Variants in ACCSL observed in about 807,000 individuals in gnomAD.
The protein encoded by ACCSL is probable inactive 1-aminocyclopropane-1-carboxylate synthase-like protein 2.
A neutral mutation model predicts 61.7 loss-of-function variants in ACCSL; 55 were observed. The observed-to-expected ratio is 0.89, with a 90% CI of 0.72 to 1.12. The LOEUF is 1.12. Ranked by LOEUF, ACCSL falls within the 50% of genes most tolerant of loss-of-function variation. The pLI is 0.00. For synonymous variants in ACCSL, 258 were observed against 264.3 expected, an observed-to-expected ratio of 0.98 and a Z score of 0.23; for missense variants, 632 against 698.0, an observed-to-expected ratio of 0.91 and a Z score of 1.07.
At chr11:44,023,348 C>T in the ACCSL span, among the ~76,000 whole-genome samples, 82 of 152,064 alleles carry the variant, frequency 5.4e-4, no homozygotes, top group Non-Finnish European at 7.1e-4. Flanking sequence ...CCACCACACC[C>T]GACCTAGATC....
At chr11:43,991,569 G>A in the ACCSL span, among the ~76,000 whole-genome samples, 5 of 152,154 alleles carry the variant, frequency 3.3e-5, no homozygotes, top group South Asian at 2.1e-4. Flanking sequence ...TGAGGTGGGC[G>A]GATCACCTGA....
the ACCSL span, among the ~76,000 whole-genome samples, chr11:43,949,229 G>A: frequency 6.6e-6 from 1 of 152,196 alleles, no homozygotes; most frequent in Admixed American, 6.5e-5. Flanking sequence ...GCAGCTTCCT[G>A]GTGCTTCCAT....
chr11:43,966,102 A>G, the ACCSL span, among the ~76,000 whole-genome samples: 63 of 152,110 alleles, frequency 4.1e-4, no homozygotes, highest in African/African-American at 1.4e-3. Flanking sequence ...AGAAAAAAAT[A>G]GATAAATAGA....
At chr11:43,929,469 A>G in the ACCSL span, among the ~76,000 whole-genome samples, 1 of 152,128 alleles carries the variant, frequency 6.6e-6, no homozygotes, top group South Asian at 2.1e-4. Context: ...GTGAAGTGGC[A>G]CGATCTTGGC....
the ACCSL span, chr11:43,947,326 G>A: frequency 5.6e-3 from 851 of 152,472 alleles, 9 homozygotes; most frequent in Non-Finnish European, 8.4e-3. Context: ...AACACTGGGG[G>A]TCACATTTCA....
the ACCSL span, among the ~76,000 whole-genome samples, chr11:43,996,762 A>G: frequency 1.3e-5 from 2 of 150,472 alleles, no homozygotes; most frequent in Non-Finnish European, 3.0e-5. Context: ...GACAGCTTTG[A>G]TGGGCCTTGG....
At chr11:44,048,622 T>G in intron 1 of ACCSL, 82 bp downstream of exon 1, 201 of 1,253,500 alleles carry the variant, frequency 1.6e-4, no homozygotes, top group Middle Eastern at 2.2e-4. Context: ...CCAAGTGCTA[T>G]ATATGCTCTC....
At chr11:44,011,072 C>T in the ACCSL span, among the ~76,000 whole-genome samples, 2 of 152,282 alleles carry the variant, frequency 1.3e-5, no homozygotes, top group East Asian at 3.9e-4. Flanking sequence ...TCACCATGAG[C>T]CAGAAACCCA....
At chr11:43,950,439 A>G in the ACCSL span, among the ~76,000 whole-genome samples, 1 of 152,244 alleles carries the variant, frequency 6.6e-6, no homozygotes, top group Non-Finnish European at 1.5e-5. Context: ...CAGTCTGTCT[A>G]TGCCAAAGGC....
the ACCSL span, among the ~76,000 whole-genome samples, chr11:43,957,734 G>A: frequency 6.6e-6 from 1 of 152,180 alleles, no homozygotes; most frequent in Non-Finnish European, 1.5e-5. Flanking sequence ...GTATCTTACT[G>A]CTACAAAGAG....
At chr11:43,954,244 T>C in the ACCSL span, among the ~76,000 whole-genome samples, 1 of 152,078 alleles carries the variant, frequency 6.6e-6, no homozygotes, top group African/African-American at 2.4e-5. Context: ...TTGTTTGGAG[T>C]GATACCTGAG....
At chr11:43,954,942 C>T in the ACCSL span, among the ~76,000 whole-genome samples, 1 of 152,154 alleles carries the variant, frequency 6.6e-6, no homozygotes, top group Non-Finnish European at 1.5e-5. Flanking sequence ...CCTCCAGCTG[C>T]CGGCATTCAC....
At chr11:43,996,284 C>T in the ACCSL span, among the ~76,000 whole-genome samples, 1 of 152,200 alleles carries the variant, frequency 6.6e-6, no homozygotes, top group Non-Finnish European at 1.5e-5. Context: ...CCATAGATGG[C>T]TCTAACCTGG....
chr11:44,003,660 A>G, the ACCSL span, among the ~76,000 whole-genome samples: 2 of 149,376 alleles, frequency 1.3e-5, no homozygotes, highest in Admixed American at 1.3e-4. Flanking sequence ...AAAAAAATGC[A>G]TTAATTACAT....
chr11:44,055,931 A>C, intron 9 of ACCSL, 109 bp from the exon 10 acceptor site: 2 of 1,254,824 alleles, frequency 1.6e-6, no homozygotes, highest in Non-Finnish European at 2.3e-6. Context: ...TGGGCCCTAT[A>C]GGCCCTTCTG....
chr11:44,006,191 C>A, the ACCSL span, among the ~76,000 whole-genome samples: 1 of 152,178 alleles, frequency 6.6e-6, no homozygotes, highest in South Asian at 2.1e-4. Flanking sequence ...CCTGGCTAGA[C>A]CCTTAGGGGC....
At chr11:43,959,852 G>T in the ACCSL span, among the ~76,000 whole-genome samples, 1 of 152,078 alleles carries the variant, frequency 6.6e-6, no homozygotes, top group East Asian at 1.9e-4. Context: ...TCCTCTTCCC[G>T]CACTTGGGGA....
At chr11:44,003,234 G>A in the ACCSL span, among the ~76,000 whole-genome samples, 1 of 152,232 alleles carries the variant, frequency 6.6e-6, no homozygotes, top group South Asian at 2.1e-4. Flanking sequence ...TCACCTCAGA[G>A]AGGACATGGT....
At chr11:44,035,289 C>G in the ACCSL span, among the ~76,000 whole-genome samples, 1 of 152,016 alleles carries the variant, frequency 6.6e-6, no homozygotes, top group Non-Finnish European at 1.5e-5. Flanking sequence ...TGCCGTCTCT[C>G]TTCCCAGCAC....
Sources: gnomAD v4.1 joint callset for allele counts (sites outside exome capture counted in the v4.1 genomes callset) on GRCh38, gnomAD v4.1.1 for gene constraint, MANE v1.5 for transcripts, NCBI Gene and HGNC (gene_info 2026-07-23, HGNC 2026-07-21) for gene names.